Variants in NUDT6 observed in about 807,000 individuals in gnomAD.
The protein encoded by NUDT6 is nudix hydrolase 6, also known as FAD diphosphatase NUDT6.
Under a neutral mutation model 36.8 loss-of-function variants are expected in NUDT6, and 24 were observed. The ratio of observed to expected loss-of-function variants is 0.65; its 90% CI spans 0.47 to 0.92. NUDT6 has a LOEUF of 0.92. NUDT6 is among the 40% of genes least tolerant of loss of function. NUDT6 has a pLI of 0.00. For synonymous variants in NUDT6, 163 were observed against 157.0 expected (o/e 1.04, Z -0.29); for missense variants, 388 against 392.8 (o/e 0.99, Z 0.10).
intron 3 of NUDT6, among the ~76,000 whole-genome samples, chr4:122,911,107 T>C (rs1356242365): frequency 6.6e-6 from 1 of 152,318 alleles, no homozygotes; most frequent in South Asian, 2.1e-4. Context: ...CTATCTGCTA[T>C]ATTGGAGAGA....
At position 122,893,103 on chromosome 4, in the gene NUDT6, T is replaced by A. The variant is rs1390077505; in HGVS notation, c.676A>T (p.Ile226Phe). The change falls in exon 5 of 5, where the codon ATC (isoleucine) becomes TTC (phenylalanine). Residue 226 changes from isoleucine (I) to phenylalanine (F), a missense_variant. Coordinates refer to ENST00000304430, the MANE Select transcript of NUDT6 (RefSeq NM_007083.5). ...GAFGKSDMYI[I>F]CRLKPYSFTI... is the part of the protein sequence containing the mutation. The stretch of plus-strand genomic sequence containing the variant: ...AATGAATATGGCTTTAGGCGGCAGA[T>A]GATATACATATCTGACTTCCCAAAA... The A allele has an allele frequency of 6.2e-7, 1 of 1,614,008 alleles. No individual in the cohort carries two copies.
In NUDT6 at chr4:122,892,997, G is replaced by A; in HGVS notation, c.782C>T (p.Thr261Ile). 6.2e-7 allele frequency: 1 copy of A among 1,614,168 alleles called. No homozygotes were observed. The highest frequency in any genetic ancestry group is 8.5e-7 in the Non-Finnish European group (1 of 1,180,036). Residue 261 changes from threonine to isoleucine, a missense_variant, in exon 5 of 5, where the codon ACT (threonine) becomes ATT (isoleucine). Thr to Ile is a moderately conservative substitution (Grantham distance 89). Coordinates refer to ENST00000304430, the MANE Select transcript of NUDT6 (RefSeq NM_007083.5). ...LNDLAKTENTTPITSRVARLL... is the reference protein window; with the variant it reads ...LNDLAKTENTIPITSRVARLL... The stretch of plus-strand genomic sequence containing the variant: ...CCTAGCAACTCTGCTGGTGATGGGA[G>A]TTGTATTTTCAGTCTTCGCCAGGTC...
At chr4:122,921,284 T>A (rs1453832306) in intron 1 of NUDT6, 1 of 152,172 alleles carries the variant, frequency 6.6e-6, no homozygotes, top group East Asian at 1.9e-4. Flanking sequence ...GGTTTAGTAT[T>A]TGATAGCCCA....
chr4:122,920,226 T>C (rs1727943969), intron 1 of NUDT6: 1 of 152,186 alleles, frequency 6.6e-6, no homozygotes, highest in African/African-American at 2.4e-5. Context: ...TGTTCAATTA[T>C]AACAACAGAA....
At chr4:122,920,169 C>G (rs1488669845) in intron 1 of NUDT6, 1 of 152,054 alleles carries the variant, frequency 6.6e-6, no homozygotes, top group Non-Finnish European at 1.5e-5. Context: ...TAGCGGACTT[C>G]ATGTGTAAAT....
intron 1 of NUDT6, 132 bp downstream of exon 1, chr4:122,922,203 G>T (rs770823010): frequency 7.1e-6 from 5 of 707,132 alleles, no homozygotes; most frequent in Non-Finnish European, 1.1e-5. Flanking sequence ...AACAGGTCCA[G>T]GTCACGCGTG....
chr4:122,911,573 A>G (rs183043091), intron 3 of NUDT6, among the ~76,000 whole-genome samples: 4 of 152,328 alleles, frequency 2.6e-5, no homozygotes, highest in Admixed American at 1.3e-4. Flanking sequence ...AAAACTTCAA[A>G]GTTACTTGGA....
At chr4:122,917,007 A>G (rs62323500) in intron 2 of NUDT6, among the ~76,000 whole-genome samples, 23,046 of 152,170 alleles carry the variant, frequency 0.15, 2,367 homozygotes, top group East Asian at 0.45. Context: ...AGATTTCATC[A>G]CATTACTCAG....
rs750719917 is a variant in NUDT6, at chr4:122,893,256, A to G, written c.554-31T>C. The G allele has an allele frequency of 3.2e-6, 5 of 1,546,460 alleles. No homozygotes were observed. In the South Asian group the frequency reaches 6.3e-5, roughly 19 times the overall value. Reference sequence around the variant, plus strand: ...TAAAAAAAGAGATGTACAAATCAATAATAATTACACTTTTAGAAACTGTAT... The same window carrying G: ...TAAAAAAAGAGATGTACAAATCAATGATAATTACACTTTTAGAAACTGTAT... On this transcript the variant is annotated intron_variant, in intron 4 of 4. Coordinates refer to ENST00000304430, the MANE Select transcript of NUDT6 (RefSeq NM_007083.5).
chr4:122,912,820 A>G (rs566225812), intron 2 of NUDT6, among the ~76,000 whole-genome samples, 197 bp from the exon 3 acceptor site: 6 of 152,180 alleles, frequency 3.9e-5, no homozygotes, highest in Admixed American at 6.5e-5. Flanking sequence ...ATATTTTCAT[A>G]TACATAATGA....
At chr4:122,917,883 T>C (rs1472243076) in intron 1 of NUDT6, 179 bp from the exon 2 acceptor site, 2 of 596,006 alleles carry the variant, frequency 3.4e-6, no homozygotes, top group Non-Finnish European at 2.9e-6. Flanking sequence ...ACCTTGTTTA[T>C]ATGATTTTTC....
chr4:122,909,021 T>G (rs549147409), intron 3 of NUDT6, among the ~76,000 whole-genome samples: 1 of 151,982 alleles, frequency 6.6e-6, no homozygotes, highest in African/African-American at 2.4e-5. Flanking sequence ...GAAGAACTGA[T>G]AATTACTCTA....
intron 3 of NUDT6, among the ~76,000 whole-genome samples, chr4:122,899,164 C>G (rs1289902315): frequency 6.6e-6 from 1 of 150,884 alleles, no homozygotes; most frequent in African/African-American, 2.4e-5. Flanking sequence ...CAGGTGTGAG[C>G]TACCATAACC....
intron 2 of NUDT6, among the ~76,000 whole-genome samples, chr4:122,916,640 C>G (rs1251949778): frequency 6.6e-6 from 1 of 152,144 alleles, no homozygotes; most frequent in Non-Finnish European, 1.5e-5. Flanking sequence ...AAGTTGTTCT[C>G]TGTGCGTCTG....
intron 1 of NUDT6, chr4:122,919,299 C>T (rs1231101047): frequency 6.6e-6 from 1 of 152,266 alleles, no homozygotes; most frequent in Non-Finnish European, 1.5e-5. Flanking sequence ...TCACTGCAAC[C>T]TCTGCTTCCT....
chr4:122,907,482 G>A (rs1372558569), intron 3 of NUDT6, among the ~76,000 whole-genome samples: 3 of 125,524 alleles, frequency 2.4e-5, no homozygotes, highest in Non-Finnish European at 1.6e-5. Context: ...ACAGAGTTTC[G>A]CTCAGTCACC....
intron 3 of NUDT6, among the ~76,000 whole-genome samples, chr4:122,898,907 G>T (rs45447492): frequency 0.17 from 25,852 of 151,994 alleles, 2,576 homozygotes; most frequent in East Asian, 0.45. Flanking sequence ...TTGAGACAGG[G>T]TCTCATTCTG....
chr4:122,920,349 T>C (rs1386190627), intron 1 of NUDT6: 3 of 152,200 alleles, frequency 2.0e-5, no homozygotes, highest in African/African-American at 7.2e-5. Flanking sequence ...GGAATAATAA[T>C]GCTATCTACC....
chr4:122,898,980 C>CA (rs545020013), intron 3 of NUDT6, among the ~76,000 whole-genome samples: 3 of 151,134 alleles, frequency 2.0e-5, no homozygotes, highest in African/African-American at 7.3e-5. Flanking sequence ...TGCCTGGGCT[C>CA]AGGTGATCCT....
Sources: allele counts gnomAD v4.1 joint callset (sites outside exome capture counted in the v4.1 genomes callset), GRCh38; gene constraint gnomAD v4.1.1; transcripts MANE v1.5; gene names NCBI Gene and HGNC (gene_info 2026-07-23, HGNC 2026-07-21).